Variants in MAGI3 observed in about 807,000 individuals in gnomAD.
The protein encoded by MAGI3 is membrane associated guanylate kinase, WW and PDZ domain containing 3.
Under a neutral mutation model 121.8 loss-of-function variants are expected in MAGI3, and 43 were observed. That is an observed-to-expected ratio of 0.35 (90% CI 0.28 to 0.46). The LOEUF (loss-of-function observed/expected upper bound fraction) is 0.46. Ranked by LOEUF, MAGI3 falls within the 20% of genes least tolerant of loss-of-function variation. The pLI is 1.00. For synonymous variants in MAGI3, 553 were observed against 639.3 expected (o/e 0.86, Z 2.04); for missense variants, 1,547 against 1,797.3 (o/e 0.86, Z 2.52).
intron 9 of MAGI3, among the ~76,000 whole-genome samples, chr1:113,634,075 A>G (rs1200886585): frequency 6.6e-6 from 1 of 151,696 alleles, no homozygotes; most frequent in Non-Finnish European, 1.5e-5. Context: ...CCACTTTTTG[A>G]TGGGGTTGTT....
At chr1:113,601,525 C>T (rs1285565861) in intron 6 of MAGI3, among the ~76,000 whole-genome samples, 3 of 147,540 alleles carry the variant, frequency 2.0e-5, no homozygotes, top group Admixed American at 6.7e-5. Flanking sequence ...CAATGAGATA[C>T]CATCTCACAC....
chr1:113,655,841 C>T (rs1406677426), intron 15 of MAGI3, among the ~76,000 whole-genome samples: 1 of 152,108 alleles, frequency 6.6e-6, no homozygotes, highest in Non-Finnish European at 1.5e-5. Context: ...TATGTGAAGC[C>T]CTTAGCCAAG....
At chr1:113,682,084 A>C in intron 20 of MAGI3, 3 of 970,622 alleles carry the variant, frequency 3.1e-6, no homozygotes, top group Non-Finnish European at 4.2e-6. Context: ...CCAGCTTATG[A>C]TTCTCTGACT....
chr1:113,450,765 G>GGA, intron 1 of MAGI3: 1 of 847,082 alleles, frequency 1.2e-6, no homozygotes, highest in Non-Finnish European at 2.0e-6. Context: ...GTTCTTAGTA[G>GGA]GAGAGAGAGC....
At chr1:113,591,593 G>A (rs890420583) in intron 5 of MAGI3, among the ~76,000 whole-genome samples, 3 of 152,040 alleles carry the variant, frequency 2.0e-5, no homozygotes, top group South Asian at 2.1e-4. Flanking sequence ...GATGTGTAGC[G>A]TTCTTTTTAC....
At chr1:113,618,493 A>C in intron 7 of MAGI3, 1 of 448,706 alleles carries the variant, frequency 2.2e-6, no homozygotes, top group South Asian at 1.6e-5. Context: ...CACTCATATC[A>C]CCTCTTTATT....
At chr1:113,425,670 T>G (rs1287650238) in intron 1 of MAGI3, among the ~76,000 whole-genome samples, 1 of 152,154 alleles carries the variant, frequency 6.6e-6, no homozygotes, top group Non-Finnish European at 1.5e-5. Context: ...GTCCATTTCT[T>G]CAAAATTATT....
intron 1 of MAGI3, among the ~76,000 whole-genome samples, chr1:113,409,679 C>A (rs139301579): frequency 1.4e-4 from 21 of 152,160 alleles, no homozygotes; most frequent in African/African-American, 4.8e-4. Context: ...ATTTTTACTT[C>A]TTGGTATTAC....
At chr1:113,432,673 T>G (rs1313788473) in intron 1 of MAGI3, among the ~76,000 whole-genome samples, 3 of 151,950 alleles carry the variant, frequency 2.0e-5, no homozygotes, top group Non-Finnish European at 2.9e-5. Context: ...ATGTTTATCA[T>G]GAAGGAAAAA....
intron 1 of MAGI3, among the ~76,000 whole-genome samples, chr1:113,464,633 C>T (rs1655187601): frequency 6.6e-6 from 1 of 152,044 alleles, no homozygotes; most frequent in African/African-American, 2.4e-5. Context: ...TAAGGGTTCC[C>T]CTTTGTTTCC....
chr1:113,528,115 G>A (rs1316768921), intron 1 of MAGI3, among the ~76,000 whole-genome samples: 4 of 152,116 alleles, frequency 2.6e-5, no homozygotes, highest in African/African-American at 7.2e-5. Flanking sequence ...AAAATTGACA[G>A]TAATATCTTA....
At chr1:113,606,178 G>A (rs1649762777) in intron 6 of MAGI3, among the ~76,000 whole-genome samples, 1 of 151,908 alleles carries the variant, frequency 6.6e-6, no homozygotes, top group Non-Finnish European at 1.5e-5. Context: ...TGTTGGCCAG[G>A]CTGGTCTGAA....
chr1:113,528,823 C>T (rs1658574185), intron 1 of MAGI3, among the ~76,000 whole-genome samples: 1 of 152,094 alleles, frequency 6.6e-6, no homozygotes, highest in African/African-American at 2.4e-5. Context: ...ATACTATAAG[C>T]ATAATGTGAG....
At chr1:113,649,383 T>G in intron 13 of MAGI3, 55 bp downstream of exon 13, 1 of 1,262,364 alleles carries the variant, frequency 7.9e-7, no homozygotes, top group Non-Finnish European at 1.1e-6. Context: ...TTTTGAGTGG[T>G]GATTTGGTGG....
intron 19 of MAGI3, among the ~76,000 whole-genome samples, chr1:113,679,334 A>G (rs866075524): frequency 9.9e-5 from 15 of 152,108 alleles, no homozygotes; most frequent in African/African-American, 3.6e-4. Flanking sequence ...GCTCCCAATT[A>G]CAATTGAGAA....
rs538353419 is a variant in MAGI3 at position 113,625,108 on chromosome 1, A to C, written c.1360+2114A>C. 9.9e-5 allele frequency among the ~76,000 whole-genome samples: 15 copies of C among 152,272 alleles called. No homozygotes were observed. The South Asian group carries it at 2.7e-3, about 27-fold the overall frequency. On this transcript the variant is annotated intron_variant, in intron 9 of 20. Transcript: ENST00000307546. Reference sequence around the variant, plus strand: ...TTTAGTTACTATAGCTCTGTAGTATAATTTGAAGTCAGGTAATGTGATTCC... The same window carrying C: ...TTTAGTTACTATAGCTCTGTAGTATCATTTGAAGTCAGGTAATGTGATTCC...
chr1:113,527,769 G>A (rs186141747), intron 1 of MAGI3, among the ~76,000 whole-genome samples: 68 of 152,340 alleles, frequency 4.5e-4, no homozygotes, highest in Non-Finnish European at 7.5e-4. Context: ...TGGCAGAATA[G>A]CAAAGAATGA....
At chr1:113,651,786 C>G (rs1441811488) in intron 14 of MAGI3, among the ~76,000 whole-genome samples, 1 of 152,170 alleles carries the variant, frequency 6.6e-6, no homozygotes, top group Non-Finnish European at 1.5e-5. Flanking sequence ...CCACTGTGCC[C>G]AGCCTAAATT....
At chr1:113,509,161 A>G (rs1657486518) in intron 1 of MAGI3, among the ~76,000 whole-genome samples, 1 of 151,830 alleles carries the variant, frequency 6.6e-6, no homozygotes, top group Admixed American at 6.6e-5. Context: ...AGATCTAGAA[A>G]TTTTTCCCAG....
Sources: gnomAD v4.1 joint callset for allele counts (sites outside exome capture counted in the v4.1 genomes callset) on GRCh38, gnomAD v4.1.1 for gene constraint, MANE v1.5 for transcripts, NCBI Gene and HGNC (gene_info 2026-07-23, HGNC 2026-07-21) for gene names.